Variants in WWOX observed in about 807,000 individuals in gnomAD.
WWOX encodes the protein WW domain containing oxidoreductase, also known as WW domain-containing oxidoreductase.
Under a neutral mutation model 46.2 loss-of-function variants are expected in WWOX, and 69 were observed. That is an observed-to-expected ratio of 1.49 (90% confidence interval 1.23 to 1.82). WWOX has a LOEUF of 1.82. WWOX is among the 40% of genes most tolerant of loss of function. WWOX has a pLI of 0.00. For synonymous variants in WWOX, 359 were observed against 202.6 expected, an observed-to-expected ratio of 1.77 and a Z score of -6.56; for missense variants, 919 against 542.6, an observed-to-expected ratio of 1.69 and a Z score of -6.89.
chr16:79,160,364 T>G (rs1052821108), intron 8 of WWOX, among the ~76,000 whole-genome samples: 1 of 152,114 alleles, frequency 6.6e-6, no homozygotes, highest in Non-Finnish European at 1.5e-5. Flanking sequence ...TGCTACCTAG[T>G]CCCGGCTCCA....
chr16:79,000,416 T>G (rs1253157435), intron 8 of WWOX, among the ~76,000 whole-genome samples: 3 of 152,148 alleles, frequency 2.0e-5, no homozygotes, highest in Non-Finnish European at 2.9e-5. Context: ...CATCTTCAGA[T>G]TGAAAGATCA....
chr16:79,170,594 T>A (rs2050681036), intron 8 of WWOX, among the ~76,000 whole-genome samples: 1 of 137,416 alleles, frequency 7.3e-6, no homozygotes, highest in African/African-American at 2.9e-5. Context: ...GATTCTATTG[T>A]AGAAAATAAA....
intron 8 of WWOX, among the ~76,000 whole-genome samples, chr16:78,694,149 G>T (rs2048050093): frequency 6.6e-6 from 1 of 152,264 alleles, no homozygotes; most frequent in South Asian, 2.1e-4. Context: ...GGAGGCAGAG[G>T]TTGCGGTGAG....
chr16:78,588,706 C>G (rs1357650857), intron 8 of WWOX, among the ~76,000 whole-genome samples: 1 of 152,180 alleles, frequency 6.6e-6, no homozygotes, highest in East Asian at 1.9e-4. Flanking sequence ...CCTTTAACAT[C>G]TGCTAAGAGT....
chr16:78,387,273 T>A (rs182301023), intron 6 of WWOX, among the ~76,000 whole-genome samples: 1 of 152,286 alleles, frequency 6.6e-6, no homozygotes, highest in East Asian at 1.9e-4. Flanking sequence ...CATTTCAGAA[T>A]GGAGTAAGAG....
intron 6 of WWOX, among the ~76,000 whole-genome samples, chr16:78,393,177 A>C (rs73569081): frequency 2.6e-3 from 400 of 151,912 alleles, no homozygotes; most frequent in African/African-American, 9.3e-3. Context: ...CTTTCTAATC[A>C]CTCAGACCAA....
chr16:78,727,073 C>G (rs1277866578), intron 8 of WWOX, among the ~76,000 whole-genome samples: 1 of 152,186 alleles, frequency 6.6e-6, no homozygotes, highest in Non-Finnish European at 1.5e-5. Flanking sequence ...GTGCCCTTGG[C>G]AGACCATGCA....
chr16:78,251,515 A>G (rs552410941), intron 5 of WWOX, among the ~76,000 whole-genome samples: 1 of 152,310 alleles, frequency 6.6e-6, no homozygotes, highest in Non-Finnish European at 1.5e-5. Context: ...CATCCAACTG[A>G]GCAGCACCAA....
At chr16:79,184,875 G>A (rs574188241) in intron 8 of WWOX, among the ~76,000 whole-genome samples, 1 of 152,350 alleles carries the variant, frequency 6.6e-6, no homozygotes, top group East Asian at 1.9e-4. Flanking sequence ...AAAGGAATCA[G>A]TCAAGGAACA....
At chr16:78,317,542 G>T (rs866877358) in intron 5 of WWOX, among the ~76,000 whole-genome samples, 8 of 152,196 alleles carry the variant, frequency 5.3e-5, no homozygotes, top group Admixed American at 1.3e-4. Context: ...TAATGGCAGA[G>T]AAAAGTACCT....
intron 8 of WWOX, among the ~76,000 whole-genome samples, chr16:78,721,610 G>C (rs973609264): frequency 6.6e-6 from 1 of 152,156 alleles, no homozygotes; most frequent in Non-Finnish European, 1.5e-5. Context: ...TTTTTATAAA[G>C]CAGGACATGT....
chr16:78,614,760 T>C (rs1305514758), intron 8 of WWOX, among the ~76,000 whole-genome samples: 3 of 152,230 alleles, frequency 2.0e-5, no homozygotes, highest in Admixed American at 6.5e-5. Context: ...TCCAGAAATA[T>C]TGACAGAGTT....
intron 5 of WWOX, among the ~76,000 whole-genome samples, chr16:78,187,363 C>T (rs867763087): frequency 1.3e-5 from 2 of 152,160 alleles, no homozygotes; most frequent in Non-Finnish European, 2.9e-5. Flanking sequence ...GTAATCCTAG[C>T]ACTTTGGGAG....
At chr16:78,939,048 A>C (rs1163438759) in intron 8 of WWOX, among the ~76,000 whole-genome samples, 1 of 152,208 alleles carries the variant, frequency 6.6e-6, no homozygotes, top group Non-Finnish European at 1.5e-5. Flanking sequence ...TGAAAAAGAA[A>C]TGGAATTTCT....
chr16:78,386,178 G>T (rs948935061), intron 5 of WWOX, among the ~76,000 whole-genome samples: 3 of 152,158 alleles, frequency 2.0e-5, no homozygotes, highest in African/African-American at 4.8e-5. Flanking sequence ...CATTGTCTTT[G>T]AGTTGTTAGG....
At chr16:78,304,955 T>C (rs1231698947) in intron 5 of WWOX, among the ~76,000 whole-genome samples, 1 of 152,150 alleles carries the variant, frequency 6.6e-6, no homozygotes, top group Non-Finnish European at 1.5e-5. Flanking sequence ...CCTCTTTTTT[T>C]TTCTTTTCTT....
chr16:78,997,245 C>G (rs1444301480), intron 8 of WWOX, among the ~76,000 whole-genome samples: 1 of 152,056 alleles, frequency 6.6e-6, no homozygotes, highest in African/African-American at 2.4e-5. Flanking sequence ...TTAAGTGATG[C>G]CAAAATAAGC....
chr16:78,708,610 G>C (rs1457167333), intron 8 of WWOX, among the ~76,000 whole-genome samples: 1 of 152,224 alleles, frequency 6.6e-6, no homozygotes, highest in South Asian at 2.1e-4. Context: ...CTAGGGGTCA[G>C]AGAGGTTAAG....
chr16:78,553,545 A>C (rs924050781), intron 8 of WWOX, among the ~76,000 whole-genome samples: 3 of 152,228 alleles, frequency 2.0e-5, no homozygotes, highest in Admixed American at 2.0e-4. Context: ...TGAGCTGTCT[A>C]CTATCTCTAA....
Sources: gnomAD v4.1 joint callset for allele counts (sites outside exome capture counted in the v4.1 genomes callset) on GRCh38, gnomAD v4.1.1 for gene constraint, MANE v1.5 for transcripts, NCBI Gene and HGNC (gene_info 2026-07-23, HGNC 2026-07-21) for gene names.